UBR7: variants seen among roughly 807,000 people sequenced by gnomAD.
UBR7 encodes putative E3 ubiquitin-protein ligase UBR7.
Under a neutral mutation model 57.0 loss-of-function variants are expected in UBR7, and 22 were observed. The ratio of observed to expected loss-of-function variants is 0.39; its 90% CI spans 0.28 to 0.55. The LOEUF (loss-of-function observed/expected upper bound fraction) is 0.55, where lower values mean the gene tolerates loss of function less well. Among genes scored for constraint, UBR7 ranks in the 20% least tolerant of loss-of-function variants. The pLI is 0.69. For missense variants in UBR7, 395 were observed against 513.2 expected (o/e 0.77, Z 2.23); for synonymous variants, 167 against 179.8 (o/e 0.93, Z 0.57).
intron 10 of UBR7, among the ~76,000 whole-genome samples, chr14:93,223,415 G>A (rs933340692): frequency 1.0e-3 from 82 of 79,906 alleles, no homozygotes; most frequent in Non-Finnish European, 1.6e-3. Flanking sequence ...AAAAAAAAAA[G>A]AACTGGGCAT....
chr14:93,212,238 A>C, intron 4 of UBR7, 111 bp downstream of exon 4: 1 of 766,078 alleles, frequency 1.3e-6, no homozygotes, highest in Non-Finnish European at 2.3e-6. Context: ...GGGATGGTGA[A>C]AGGGCTCTAG....
rs1480910498 is a variant in UBR7, at chr14:93,227,457, C to A, written c.*422C>A. 4.4e-6 allele frequency: 3 copies of A among 686,488 alleles called. No homozygotes were observed. Among genetic ancestry groups the A allele is most frequent in the Non-Finnish European group, 8.0e-6 (3 of 376,522 alleles). The allele number at this position is 686,488 out of a possible 1,614,324, so 42.5% of individuals were successfully genotyped here. A position where few individuals can be genotyped will look rare whatever the true frequency, so the allele number is the denominator to read the frequency against. ...AAGGCTCTCTTCCCGTCACCTAGAA[C>A]CTCTACAGGTCCCCTCGCCCCTATG... On this transcript the variant is annotated 3_prime_UTR_variant, in exon 11 of 11. Transcript: ENST00000013070.
chr14:93,207,503 G>C, intron 1 of UBR7, 62 bp downstream of exon 1: 3 of 1,480,304 alleles, frequency 2.0e-6, no homozygotes, highest in Non-Finnish European at 2.7e-6. Flanking sequence ...TTCCCGGCCC[G>C]GCTGTCCCTA....
At position 93,228,529 on chromosome 14, in the gene UBR7, G is replaced by GC. The variant is rs1443183480; in HGVS notation, c.*1495dup. 2.2e-6 allele frequency: 1 copy of GC among 454,050 alleles called. No homozygotes were observed. Among genetic ancestry groups the GC allele is most frequent in the South Asian group, 1.6e-5 (1 of 64,472 alleles). 28.1% of individuals were successfully genotyped at this position (454,050 alleles called of 1,614,324 possible). On this transcript the variant is annotated 3_prime_UTR_variant, in exon 11 of 11. Transcript: ENST00000013070. ...AAAAAGTCAAAGCCTCAAAGAAATG[G>GC]CACAACCATGTTCTTCGGCACTCAG...
chr14:93,218,930 C>G (rs1023197629), intron 7 of UBR7, among the ~76,000 whole-genome samples, 195 bp downstream of exon 7: 6 of 152,044 alleles, frequency 3.9e-5, no homozygotes, highest in Non-Finnish European at 8.8e-5. Flanking sequence ...TGGCACATGC[C>G]TGTAATCCCA....
chr14:93,224,823 C>T (rs1035852816), intron 10 of UBR7, among the ~76,000 whole-genome samples: 2 of 152,220 alleles, frequency 1.3e-5, no homozygotes, highest in African/African-American at 4.8e-5. Flanking sequence ...GTGTGGTAAC[C>T]TCTGAACTGT....
Position 93,227,675 on chromosome 14 carries a change from C to T in UBR7, c.*640C>T. 1 of 700,828 alleles carries T rather than the reference C, an allele frequency of 1.4e-6. No homozygotes were observed. Among genetic ancestry groups the T allele is most frequent in the South Asian group, 1.5e-5 (1 of 67,508 alleles). 43.4% of individuals were successfully genotyped at this position (700,828 alleles called of 1,614,324 possible). A position where few individuals can be genotyped will look rare whatever the true frequency, so the allele number is the denominator to read the frequency against. ...CACAGGCGGAGAGATTAACAGATGA[C>T]AGGGTTGAGGAAGCAAGCCTTTGTT... On this transcript the variant is annotated 3_prime_UTR_variant, in exon 11 of 11. Transcript: ENST00000013070.
At position 93,220,345 on chromosome 14, in the gene UBR7, A is replaced by G; in HGVS notation, c.1057A>G (p.Arg353Gly). ...NKGKIAQATD[R>G]SDPLMDTLSS... ...AGGGAAGATTGCCCAGGCCACTGAC[A>G]GGAGCGATCCCCTAATGGATACCCT... The change falls in exon 9 of 11, where the codon AGG becomes GGG. Residue 353 changes from arginine to glycine, a missense_variant. Arg to Gly is a moderately radical substitution (Grantham distance 125). Transcript: ENST00000013070. 2.5e-6 allele frequency: 4 copies of G among 1,613,916 alleles called. No individual in the cohort carries two copies. The highest frequency in any genetic ancestry group is 3.4e-6 in the Non-Finnish European group (4 of 1,179,986).
intron 6 of UBR7, among the ~76,000 whole-genome samples, chr14:93,217,300 T>G (rs1434650998): frequency 1.3e-5 from 2 of 152,222 alleles, no homozygotes; most frequent in South Asian, 2.1e-4. Flanking sequence ...GTGCTGTGAT[T>G]ACAGGTGTGA....
In UBR7 at chr14:93,207,586, A is replaced by G. The variant is rs974948794; in HGVS notation, c.150+145A>G. On this transcript the variant is annotated intron_variant, in intron 1 of 10. Transcript: ENST00000013070. ...GTTAGTCTGCCGCTTCCTCACCCCA[A>G]GCTCACCCTTCCCTTTTAACCCCAA... 5 of 1,197,190 alleles carry G rather than the reference A, an allele frequency of 4.2e-6. No individual in the cohort carries two copies. The East Asian group carries it at 1.3e-4, about 32-fold the overall frequency. 74.2% of individuals were successfully genotyped at this position (1,197,190 alleles called of 1,614,324 possible).
intron 10 of UBR7, chr14:93,223,907 T>C (rs1389726941): frequency 1.4e-6 from 1 of 729,882 alleles, no homozygotes. Flanking sequence ...GATGCCGAAG[T>C]TCTTGACCCG....
chr14:93,207,351 G>C lies in UBR7; in HGVS notation c.60G>C (p.Leu20Phe). Residue 20 changes from leucine (L) to phenylalanine (F), a missense_variant, in exon 1 of 11, where the codon TTG (leucine) becomes TTC (phenylalanine). Leu to Phe is a conservative substitution (Grantham distance 22). Transcript: ENST00000013070. ...RQSELEPVVSLVDVLEEDEEL... is the reference protein window; with the variant it reads ...RQSELEPVVSFVDVLEEDEEL... ...CGGAGCTGGAGCCCGTGGTATCGTTGGTCGACGTCCTTGAGGAGGACGAGG... is the reference window on the plus strand; with the variant it reads ...CGGAGCTGGAGCCCGTGGTATCGTTCGTCGACGTCCTTGAGGAGGACGAGG... 1 of 1,558,212 alleles carries C rather than the reference G, an allele frequency of 6.4e-7. No individual in the cohort carries two copies. Among genetic ancestry groups the C allele is most frequent in the Non-Finnish European group, 8.7e-7 (1 of 1,150,864 alleles).
chr14:93,207,468 C>G lies in UBR7; in HGVS notation c.150+27C>G, dbSNP rs555821646. On this transcript the variant is annotated intron_variant, in intron 1 of 10. Transcript: ENST00000013070. ...TGGGCGCGCGGCCCGGGCCTCCTCT[C>G]CCCCGGCTCCCGCCGAACCTCCCCT... 8.5e-6 allele frequency: 13 copies of G among 1,520,900 alleles called. No homozygotes were observed. The South Asian group carries it at 1.1e-4, about 13-fold the overall frequency. The allele number at this position is 1,520,900 out of a possible 1,614,324, so 94.2% of individuals were successfully genotyped here.
intron 10 of UBR7, among the ~76,000 whole-genome samples, chr14:93,224,654 G>A (rs1164120521): frequency 2.0e-5 from 3 of 152,196 alleles, no homozygotes; most frequent in African/African-American, 7.2e-5. Flanking sequence ...TGGGATTACA[G>A]GCATGAGCCA....
rs138426899 is a variant in UBR7, at chr14:93,209,922, T to C, written c.249T>C (p.His83=). The C allele has an allele frequency of 1.5e-4, 249 of 1,614,046 alleles. No homozygotes were observed. In the African/African-American group the frequency reaches 2.4e-3, roughly 16 times the overall value. The change falls in exon 2 of 11, where the codon CAT becomes CAC. Residue 83 remains histidine, a synonymous_variant. Transcript: ENST00000013070. ...GTTTAGCTTGCAGTTATGAATGTCA[T>C]GGAAGTCACAAACTATTTGAGCTAT... ...GICLACSYEC[H]GSHKLFELYT...
At chr14:93,218,094 CAAAAA>C (rs33950162) in intron 6 of UBR7, among the ~76,000 whole-genome samples, 1 of 134,496 alleles carries the variant, frequency 7.4e-6, no homozygotes. Context: ...AACTCTATCT[CAAAAA>C]AAAAAAAAAA....
chr14:93,210,502 G>A (rs1046906498), intron 2 of UBR7, 146 bp from the exon 3 acceptor site: 10 of 679,004 alleles, frequency 1.5e-5, no homozygotes, highest in Non-Finnish European at 2.3e-5. Flanking sequence ...TTTTACTTGT[G>A]TGTTTGTATG....
intron 1 of UBR7, among the ~76,000 whole-genome samples, chr14:93,209,552 C>A (rs1014484903): frequency 2.6e-5 from 4 of 151,750 alleles, no homozygotes; most frequent in Non-Finnish European, 5.9e-5. Context: ...CCAGCCTGGG[C>A]AACATAGCAA....
chr14:93,218,357 G>A (rs1197264412), intron 6 of UBR7, among the ~76,000 whole-genome samples, 170 bp from the exon 7 acceptor site: 2 of 151,982 alleles, frequency 1.3e-5, no homozygotes, highest in Admixed American at 1.3e-4. Context: ...GTTGCAGTGA[G>A]TCAAGACCAT....
Sources: allele counts gnomAD v4.1 joint callset (sites outside exome capture counted in the v4.1 genomes callset), GRCh38; gene constraint gnomAD v4.1.1; transcripts MANE v1.5; gene names NCBI Gene and HGNC (gene_info 2026-07-23, HGNC 2026-07-21).